The following DYTN variants were observed in gnomAD, a reference collection of about 807,000 sequenced individuals.
DYTN encodes the protein dystrotelin.
DYTN carries 75 observed loss-of-function variants against 69.6 expected under a neutral mutation model. That is an observed-to-expected ratio of 1.08 (90% confidence interval 0.89 to 1.31). The LOEUF is 1.31. DYTN is among the 50% of genes most tolerant of loss of function. DYTN has a pLI of 0.00. For missense variants in DYTN, 726 were observed against 688.4 expected (o/e 1.05, Z -0.61); for synonymous variants, 252 against 249.1 (o/e 1.01, Z -0.11).
chr2:206,693,306 A>G lies in DYTN; in HGVS notation c.849T>C (p.Asn283=). The G allele has an allele frequency of 6.2e-7, 1 of 1,612,590 alleles. No homozygotes were observed. The highest frequency in any genetic ancestry group is 1.1e-5 in the South Asian group (1 of 91,080). Reference sequence around the variant, plus strand: ...TGAGGGTCCTGAAGAGAAGTTTTGTATTCTGCATTGCTGACATCTGCTGAA... The same window carrying G: ...TGAGGGTCCTGAAGAGAAGTTTTGTGTTCTGCATTGCTGACATCTGCTGAA... ...EHCIQMSAMQ[N]TKLLFRTLRN... Residue 283 remains asparagine (N), a synonymous_variant, in exon 9 of 12, where the codon AAT becomes AAC. Transcript: ENST00000452335.
chr2:206,668,532 A>C (rs13382742), intron 9 of DYTN, among the ~76,000 whole-genome samples: 65,384 of 152,044 alleles, frequency 0.43, 15,152 homozygotes, highest in African/African-American at 0.61. Context: ...TTCAAACGAC[A>C]TAAAATCTGC....
At position 206,663,122 on chromosome 2, in the gene DYTN, T is replaced by G; in HGVS notation, c.1414A>C (p.Met472Leu). 6.2e-7 allele frequency: 1 copy of G among 1,613,924 alleles called. No homozygotes were observed. Among genetic ancestry groups the G allele is most frequent in the East Asian group, 2.2e-5 (1 of 44,870 alleles). The change falls in exon 11 of 12, where the codon ATG (methionine) becomes CTG (leucine). Residue 472 changes from methionine (M) to leucine (L), a missense_variant. By Grantham distance (15) the Met-to-Leu change is conservative. Transcript: ENST00000452335. ...AGGGCACTAATGACTTTCTGTGGCA[T>G]CTTTTGTGTTTGGCTTTGTGCCCTG... ...STRAQSQTQK[M>L]PQKVISALPS... is the part of the protein sequence containing the mutation.
At chr2:206,689,727 T>C (rs2105896305) in intron 9 of DYTN, among the ~76,000 whole-genome samples, 1 of 152,322 alleles carries the variant, frequency 6.6e-6, no homozygotes, top group South Asian at 2.1e-4. Flanking sequence ...AAAGCTTCTG[T>C]CTCTGTTCCA....
chr2:206,696,602 G>T lies in DYTN; in HGVS notation c.720-1725C>A, dbSNP rs76399421. Among the ~76,000 whole-genome samples the T allele has an allele frequency of 2.6e-3, 395 of 152,282 alleles. 2 individuals are homozygous for T. The highest frequency in any genetic ancestry group is 9.0e-3 in the African/African-American group (372 of 41,562). Reference sequence around the variant, plus strand: ...TTCATACGATTACCCTCATTTTGCAGATGAGGAAACTGAATTAAAGAGAGT... The same window carrying T: ...TTCATACGATTACCCTCATTTTGCATATGAGGAAACTGAATTAAAGAGAGT... On this transcript the variant is annotated intron_variant, in intron 7 of 11. Coordinates refer to ENST00000452335, the MANE Select transcript of DYTN (RefSeq NM_001093730.1).
At chr2:206,667,963 A>G (rs1423896195) in intron 9 of DYTN, among the ~76,000 whole-genome samples, 2 of 152,172 alleles carry the variant, frequency 1.3e-5, no homozygotes, top group African/African-American at 4.8e-5. Context: ...GCTCCCATGC[A>G]AAGCAGGCAT....
At chr2:206,690,003 A>G (rs1699848197) in intron 9 of DYTN, among the ~76,000 whole-genome samples, 1 of 152,206 alleles carries the variant, frequency 6.6e-6, no homozygotes, top group African/African-American at 2.4e-5. Context: ...TACATTATAG[A>G]GAGGGGCACA....
At chr2:206,653,002 T>C (rs1256494876) in intron 11 of DYTN, among the ~76,000 whole-genome samples, 1 of 152,226 alleles carries the variant, frequency 6.6e-6, no homozygotes, top group Non-Finnish European at 1.5e-5. Context: ...AGTTGTTTAC[T>C]TTATAGCTAC....
In DYTN at chr2:206,678,185, T is replaced by C. The variant is rs1699711136; in HGVS notation, c.981-12156A>G. On this transcript the variant is annotated intron_variant, in intron 9 of 11. Transcript: ENST00000452335. ...GGTGCTGATGAAGGAAAAAATACAG[T>C]TGCCTTGTACATTATGTGGGGAAAA... is the stretch of plus-strand genomic sequence containing the variant. Among the ~76,000 whole-genome samples, 3 of 152,164 alleles carry C rather than the reference T, an allele frequency of 2.0e-5. 1 individual carries two copies. In the South Asian group the frequency reaches 6.2e-4, roughly 32 times the overall value.
intron 9 of DYTN, among the ~76,000 whole-genome samples, chr2:206,689,300 C>T (rs1341966377): frequency 1.3e-5 from 2 of 152,142 alleles, no homozygotes; most frequent in Non-Finnish European, 2.9e-5. Context: ...TTGGCCATAA[C>T]CATTAATCTC....
chr2:206,652,557 T>C (rs1699399853), intron 11 of DYTN, among the ~76,000 whole-genome samples: 1 of 152,222 alleles, frequency 6.6e-6, no homozygotes, highest in African/African-American at 2.4e-5. Context: ...CATAAAGATA[T>C]ATATTATAAG....
chr2:206,690,896 G>GA (rs1699855665), intron 9 of DYTN, among the ~76,000 whole-genome samples: 1 of 152,186 alleles, frequency 6.6e-6, no homozygotes, highest in Non-Finnish European at 1.5e-5. Context: ...TGTGGAGGAG[G>GA]AATGAAGCTG....
At chr2:206,691,277 G>A (rs1235278682) in intron 9 of DYTN, among the ~76,000 whole-genome samples, 1 of 152,142 alleles carries the variant, frequency 6.6e-6, no homozygotes, top group Non-Finnish European at 1.5e-5. Flanking sequence ...GTCAGTTGTG[G>A]TGGCAGGTGC....
At chr2:206,688,726 T>C (rs1658885577) in intron 9 of DYTN, among the ~76,000 whole-genome samples, 1 of 152,252 alleles carries the variant, frequency 6.6e-6, no homozygotes, top group Non-Finnish European at 1.5e-5. Context: ...ATTCTTATGC[T>C]AGTCTTCTCA....
chr2:206,666,068 G>A (rs1574588458), intron 9 of DYTN, 39 bp from the exon 10 acceptor site: 1 of 1,604,738 alleles, frequency 6.2e-7, no homozygotes, highest in Admixed American at 1.7e-5. Flanking sequence ...GGAAGGGCAA[G>A]AGGCCAGTAC....
In DYTN at chr2:206,705,163, C is replaced by T. The variant is rs539743526; in HGVS notation, c.383-220G>A. On this transcript the variant is annotated intron_variant, in intron 4 of 11. Transcript: ENST00000452335. ...CCAGGTTAGAGTGCAATGGCACAAT[C>T]TTGGCTCACTGCAACCTCCACCTCC... 12 of 522,266 alleles carry T rather than the reference C, an allele frequency of 2.3e-5. No individual in the cohort carries two copies. In the East Asian group the frequency reaches 3.2e-4, roughly 14 times the overall value. The allele number at this position is 522,266 out of a possible 1,614,324, so 32.4% of individuals were successfully genotyped here. A position where few individuals can be genotyped will look rare whatever the true frequency, so the allele number is the denominator to read the frequency against.
At chr2:206,669,036 T>A (rs1457975017) in intron 9 of DYTN, among the ~76,000 whole-genome samples, 1 of 152,202 alleles carries the variant, frequency 6.6e-6, no homozygotes, top group Admixed American at 6.5e-5. Flanking sequence ...AATTACCCAG[T>A]CTCAGGCGTT....
Position 206,666,004 on chromosome 2 carries a change from A to G in DYTN, c.1006T>C (p.Tyr336His). 2.5e-6 allele frequency: 4 copies of G among 1,613,736 alleles called. No individual in the cohort carries two copies. Among genetic ancestry groups the G allele is most frequent in the Non-Finnish European group, 3.4e-6 (4 of 1,179,800 alleles). ...ARLLKKQLNQ[Y>H]KDKLQAIYTS... The stretch of plus-strand genomic sequence containing the variant: ...TATATAGCTTGCAACTTGTCTTTGT[A>G]TTGGTTTAACTGTTTTTTAAGGAGC... Residue 336 changes from tyrosine to histidine, a missense_variant, in exon 10 of 12, where the codon TAC (tyrosine) becomes CAC (histidine). By Grantham distance (83) the Tyr-to-His change is moderately conservative (BLOSUM62 2). Transcript: ENST00000452335.
chr2:206,703,285 G>A (rs967333355), intron 5 of DYTN, among the ~76,000 whole-genome samples: 36 of 152,272 alleles, frequency 2.4e-4, no homozygotes, highest in African/African-American at 8.7e-4. Context: ...AAGCACTCCA[G>A]TCTCACCAGT....
intron 1 of DYTN, among the ~76,000 whole-genome samples, chr2:206,717,929 T>G (rs948046149): frequency 2.1e-5 from 3 of 144,056 alleles, no homozygotes; most frequent in African/African-American, 8.0e-5. Flanking sequence ...ATACGATAAT[T>G]TCATTTTAAT....
Sources: allele counts gnomAD v4.1 joint callset (sites outside exome capture counted in the v4.1 genomes callset), GRCh38; gene constraint gnomAD v4.1.1; transcripts MANE v1.5; gene names NCBI Gene and HGNC (gene_info 2026-07-23, HGNC 2026-07-21).